ROBO2: variants seen among roughly 807,000 people sequenced by gnomAD.
ROBO2 encodes the protein roundabout guidance receptor 2, also known as roundabout homolog 2.
A neutral mutation model predicts 160.8 loss-of-function variants in ROBO2; 53 were observed. That is an observed-to-expected ratio of 0.33 (90% CI 0.26 to 0.41). The LOEUF (loss-of-function observed/expected upper bound fraction) is 0.41. Among genes scored for constraint, ROBO2 ranks in the 10% least tolerant of loss-of-function variants. The pLI, the probability that ROBO2 is intolerant of heterozygous loss-of-function variation, is 1.00. For synonymous variants in ROBO2, 664 were observed against 611.7 expected (o/e 1.09, Z -1.26); for missense variants, 1,577 against 1,722.4 (o/e 0.92, Z 1.49).
intron 2 of ROBO2, among the ~76,000 whole-genome samples, chr3:77,329,143 C>T (rs150368082): frequency 4.1e-4 from 63 of 152,172 alleles, no homozygotes; most frequent in African/African-American, 1.3e-3. Context: ...GTGTTGATAT[C>T]GATGTAGTCT....
At chr3:76,021,913 A>ATTT (rs370709030) in intron 2 of ROBO2, among the ~76,000 whole-genome samples, 5 of 140,334 alleles carry the variant, frequency 3.6e-5, no homozygotes, top group African/African-American at 1.3e-4. Flanking sequence ...TTCGTGAAAG[A>ATTT]TTTTTTTTTT....
chr3:76,409,084 T>C (rs2075359836), intron 2 of ROBO2, among the ~76,000 whole-genome samples: 1 of 152,068 alleles, frequency 6.6e-6, no homozygotes, highest in Non-Finnish European at 1.5e-5. Context: ...TATGAAAGTT[T>C]CAAATTTTGT....
chr3:76,934,535 G>C (rs1215916367), intron 2 of ROBO2, among the ~76,000 whole-genome samples: 2 of 152,202 alleles, frequency 1.3e-5, no homozygotes, highest in South Asian at 2.1e-4. Flanking sequence ...GAGGTCAAGA[G>C]ATCGATCGAG....
At chr3:75,908,258 T>C (rs1220932057) in intron 1 of ROBO2, among the ~76,000 whole-genome samples, 1 of 152,184 alleles carries the variant, frequency 6.6e-6, no homozygotes, top group Admixed American at 6.5e-5. Context: ...TCAAGAGAGC[T>C]TAAAGGTTTC....
In ROBO2 at chr3:77,565,127, T is replaced by C. The variant is rs1236170452; in HGVS notation, c.1849+7T>C. On this transcript the variant is annotated splice_region_variant and intron_variant, in intron 12 of 25. Transcript: ENST00000461745. ...GATCCTGTGCGCACACAAGGTACTT[T>C]CAACAGCTGTCAACAAGACTGGTTC... The C allele has an allele frequency of 6.2e-7, 1 of 1,613,376 alleles. No individual in the cohort carries two copies. Among genetic ancestry groups the C allele is most frequent in the Non-Finnish European group, 8.5e-7 (1 of 1,179,556 alleles).
chr3:76,106,894 G>C (rs1397253182), intron 2 of ROBO2, among the ~76,000 whole-genome samples: 2 of 152,020 alleles, frequency 1.3e-5, no homozygotes, highest in Non-Finnish European at 2.9e-5. Flanking sequence ...CTACCACAAG[G>C]GGTACTCTTG....
Position 77,242,207 on chromosome 3 carries a change from A to T in ROBO2, c.388+143867A>T, listed in dbSNP as rs116341889. 7.8e-3 allele frequency among the ~76,000 whole-genome samples: 1,181 copies of T among 152,260 alleles called. 10 individuals carry two copies. Among genetic ancestry groups the T allele is most frequent in the South Asian group, 0.045 (216 of 4,824 alleles). On this transcript the variant is annotated intron_variant, in intron 2 of 25. Transcript: ENST00000461745. ...TTATATTTGTGTCAGGAAAAAAATA[A>T]TAATAGAATTTAAGAATTTAAAATG...
chr3:76,705,300 G>T (rs1167844489), intron 2 of ROBO2, among the ~76,000 whole-genome samples: 2 of 152,224 alleles, frequency 1.3e-5, no homozygotes, highest in Non-Finnish European at 2.9e-5. Context: ...ACAATGTATA[G>T]TAATACAATA....
At chr3:77,644,297 A>C (rs1395990285) in intron 24 of ROBO2, among the ~76,000 whole-genome samples, 1 of 152,174 alleles carries the variant, frequency 6.6e-6, no homozygotes, top group East Asian at 1.9e-4. Flanking sequence ...ATGTTGCCAT[A>C]ATTTAAGCTG....
Position 77,616,862 on chromosome 3 carries a change from G to GTGTT in ROBO2, c.3294-650_3294-647dup, listed in dbSNP as rs2094791146. On this transcript the variant is annotated intron_variant, in intron 21 of 25. Transcript: ENST00000461745. ...AAAATTTTTTAAAAGGATAGATCTCGTGTTAAAGTTTTTTACTACAATAAA... is the reference window on the plus strand; with the variant it reads ...AAAATTTTTTAAAAGGATAGATCTCGTGTTTGTTAAAGTTTTTTACTACAATAAA... Among the ~76,000 whole-genome samples the GTGTT allele has an allele frequency of 3.3e-5, 5 of 152,058 alleles. No homozygotes were observed. In the South Asian group the frequency reaches 1.0e-3, roughly 32 times the overall value.
At chr3:76,775,645 T>C (rs2062199981) in intron 2 of ROBO2, among the ~76,000 whole-genome samples, 1 of 150,728 alleles carries the variant, frequency 6.6e-6, no homozygotes. Flanking sequence ...CAATTCAACT[T>C]AATTCTGTCC....
In ROBO2 at chr3:77,253,052, T is replaced by C. The variant is rs1156737523; in HGVS notation, c.388+154712T>C. ...TTTTAAGATCTAAGTTAAAGAGAAC[T>C]AGGAAGTGTTCTAAGTAAATTTCTG... On this transcript the variant is annotated intron_variant, in intron 2 of 25. Coordinates refer to ENST00000461745, the Ensembl canonical transcript of ROBO2. 5.9e-5 allele frequency among the ~76,000 whole-genome samples: 9 copies of C among 151,750 alleles called. No individual in the cohort carries two copies. The East Asian group carries it at 1.6e-3, about 26-fold the overall frequency.
intron 2 of ROBO2, among the ~76,000 whole-genome samples, chr3:77,299,555 C>A (rs924791208): frequency 6.6e-5 from 10 of 152,074 alleles, no homozygotes; most frequent in African/African-American, 2.2e-4. Flanking sequence ...GAAAAAGCCC[C>A]TTATAAAACC....
At chr3:76,237,156 C>T (rs1704995594) in intron 2 of ROBO2, among the ~76,000 whole-genome samples, 1 of 151,988 alleles carries the variant, frequency 6.6e-6, no homozygotes, top group Admixed American at 6.6e-5. Flanking sequence ...TTAGTTGTGC[C>T]TCCTTGTAGC....
chr3:76,892,396 A>G (rs1049488226), intron 2 of ROBO2, among the ~76,000 whole-genome samples: 2 of 152,140 alleles, frequency 1.3e-5, no homozygotes, highest in African/African-American at 4.8e-5. Context: ...GCCCATAGCC[A>G]TTACCATAAT....
intron 2 of ROBO2, among the ~76,000 whole-genome samples, chr3:76,739,628 T>TA (rs36029989): frequency 2.4e-4 from 36 of 149,142 alleles, no homozygotes; most frequent in Admixed American, 6.7e-4. Context: ...AAAGTATAAT[T>TA]AAAAAAAAAA....
chr3:77,594,311 T>C (rs2094248354), intron 17 of ROBO2, among the ~76,000 whole-genome samples: 1 of 152,198 alleles, frequency 6.6e-6, no homozygotes, highest in South Asian at 2.1e-4. Context: ...TCCATTTGGC[T>C]GCAAAGGTTT....
chr3:76,369,149 C>T (rs185343053), intron 2 of ROBO2, among the ~76,000 whole-genome samples: 1 of 152,040 alleles, frequency 6.6e-6, no homozygotes, highest in African/African-American at 2.4e-5. Context: ...GGTGTTTTTG[C>T]AGAAATGCCT....
chr3:76,089,866 G>C (rs1197785547), intron 2 of ROBO2, among the ~76,000 whole-genome samples: 1 of 152,004 alleles, frequency 6.6e-6, no homozygotes, highest in Non-Finnish European at 1.5e-5. Context: ...ATATAGAGTG[G>C]AAAGGAATAA....
Sources: gnomAD v4.1 joint callset for allele counts (sites outside exome capture counted in the v4.1 genomes callset) on GRCh38, gnomAD v4.1.1 for gene constraint, MANE v1.5 for transcripts, NCBI Gene and HGNC (gene_info 2026-07-23, HGNC 2026-07-21) for gene names.